Variants in SLC44A5 observed in about 807,000 individuals in gnomAD.
SLC44A5 encodes the protein solute carrier family 44 member 5.
Under a neutral mutation model 101.8 loss-of-function variants are expected in SLC44A5, and 57 were observed. That is an observed-to-expected ratio of 0.56 (90% CI 0.45 to 0.70). The LOEUF (loss-of-function observed/expected upper bound fraction) is 0.70. Ranked by LOEUF, SLC44A5 falls within the 30% of genes least tolerant of loss-of-function variation. The pLI, the probability that SLC44A5 is intolerant of heterozygous loss-of-function variation, is 0.00. For synonymous variants in SLC44A5, 281 were observed against 290.9 expected (o/e 0.97, Z 0.35); for missense variants, 737 against 853.1 (o/e 0.86, Z 1.70).
intron 2 of SLC44A5, among the ~76,000 whole-genome samples, chr1:75,425,183 G>A (rs759141307): frequency 2.8e-4 from 42 of 152,168 alleles, no homozygotes; most frequent in Non-Finnish European, 5.7e-4. Flanking sequence ...ACAGCAAAAG[G>A]AGCCAAGTAT....
intron 2 of SLC44A5, among the ~76,000 whole-genome samples, chr1:75,516,277 G>A (rs1378869984): frequency 1.6e-4 from 25 of 152,188 alleles, no homozygotes; most frequent in Non-Finnish European, 2.9e-5. Flanking sequence ...CACTTTGGGA[G>A]GCCCAGGCGG....
Position 75,511,608 on chromosome 1 carries a change from G to T in SLC44A5, c.13+29827C>A, listed in dbSNP as rs377246472. ...AATTTCACCAGCATTATTTTTACAA[G>T]GGATTAACAAAGTGATATAACTAAT... On this transcript the variant is annotated intron_variant, in intron 2 of 23. Transcript: ENST00000370859. Among the ~76,000 whole-genome samples, 20 of 152,002 alleles carry T rather than the reference G, an allele frequency of 1.3e-4. No individual in the cohort carries two copies. In the East Asian group the frequency reaches 1.4e-3, roughly 10 times the overall value.
intron 12 of SLC44A5, among the ~76,000 whole-genome samples, chr1:75,228,348 T>A (rs1409332118): frequency 6.6e-6 from 1 of 152,122 alleles, no homozygotes; most frequent in Non-Finnish European, 1.5e-5. Flanking sequence ...TAAAATCTGT[T>A]TTGTCTGATA....
At chr1:75,531,446 A>C (rs1463136589) in intron 2 of SLC44A5, among the ~76,000 whole-genome samples, 1 of 152,164 alleles carries the variant, frequency 6.6e-6, no homozygotes, top group Non-Finnish European at 1.5e-5. Context: ...ACCTAGGGCT[A>C]CCCTATAAGG....
intron 2 of SLC44A5, among the ~76,000 whole-genome samples, chr1:75,429,466 G>T (rs1160153736): frequency 6.6e-6 from 1 of 152,190 alleles, no homozygotes; most frequent in Non-Finnish European, 1.5e-5. Flanking sequence ...TTGGGCAAGT[G>T]AGGGCTATGA....
Position 75,222,473 on chromosome 1 carries a change from A to G in SLC44A5, c.986-13T>C. ...CAGAGTATTATCACTTTGAACAGGA[A>G]AAAAAAAATCAGTCTGTAATACAAG... On this transcript the variant is annotated splice_polypyrimidine_tract_variant and intron_variant, in intron 13 of 23. Coordinates refer to ENST00000370859, the MANE Select transcript of SLC44A5 (RefSeq NM_001130058.2). 1 of 1,546,386 alleles carries G rather than the reference A, an allele frequency of 6.5e-7. No homozygotes were observed. Among genetic ancestry groups the G allele is most frequent in the Non-Finnish European group, 8.9e-7 (1 of 1,122,724 alleles).
At chr1:75,660,765 A>C in the SLC44A5 span, among the ~76,000 whole-genome samples, 6 of 152,220 alleles carry the variant, frequency 3.9e-5, no homozygotes, top group Admixed American at 1.3e-4. Flanking sequence ...AAGAAGCAAA[A>C]GAATGCTACA....
At chr1:75,487,418 C>T (rs80213453) in intron 2 of SLC44A5, among the ~76,000 whole-genome samples, 3,224 of 152,122 alleles carry the variant, frequency 0.021, 123 homozygotes, top group African/African-American at 0.073. Flanking sequence ...ATAGTAGCTC[C>T]GAGACAAGAT....
At chr1:75,616,411 A>C in the SLC44A5 span, among the ~76,000 whole-genome samples, 3 of 152,216 alleles carry the variant, frequency 2.0e-5, no homozygotes, top group Non-Finnish European at 2.9e-5. Flanking sequence ...GGAGAAAGCC[A>C]GGCAGAGTCT....
chr1:75,341,667 G>C (rs772759670), intron 3 of SLC44A5, among the ~76,000 whole-genome samples: 2 of 152,106 alleles, frequency 1.3e-5, no homozygotes, highest in South Asian at 4.1e-4. Flanking sequence ...GGCGGGTCAC[G>C]AATGAACAGG....
At chr1:75,237,531 T>G (rs899619703) in intron 10 of SLC44A5, among the ~76,000 whole-genome samples, 1 of 152,080 alleles carries the variant, frequency 6.6e-6, no homozygotes, top group Non-Finnish European at 1.5e-5. Context: ...AGTGAACACA[T>G]TTATGTAACT....
chr1:75,544,524 C>A (rs927267622), intron 1 of SLC44A5, among the ~76,000 whole-genome samples: 18 of 150,920 alleles, frequency 1.2e-4, no homozygotes, highest in Admixed American at 4.0e-4. Flanking sequence ...CACACACACA[C>A]ACAACAAAAT....
At chr1:75,648,648 GT>G in the SLC44A5 span, among the ~76,000 whole-genome samples, 1 of 151,864 alleles carries the variant, frequency 6.6e-6, no homozygotes, top group African/African-American at 2.4e-5. Context: ...TGCTTCTGAT[GT>G]TTTTTCCAAA....
intron 1 of SLC44A5, among the ~76,000 whole-genome samples, chr1:75,597,971 C>A (rs1351931232): frequency 6.6e-6 from 1 of 151,932 alleles, no homozygotes; most frequent in East Asian, 1.9e-4. Flanking sequence ...AGCTTCTGCA[C>A]AGCAAAAGAA....
the SLC44A5 span, among the ~76,000 whole-genome samples, chr1:75,664,424 A>G: frequency 2.0e-5 from 3 of 152,140 alleles, no homozygotes; most frequent in Non-Finnish European, 4.4e-5. Context: ...TAAAGACTAA[A>G]CCAAAAGGCT....
chr1:75,520,935 A>G (rs960558474), intron 2 of SLC44A5, among the ~76,000 whole-genome samples: 3 of 150,366 alleles, frequency 2.0e-5, no homozygotes, highest in Admixed American at 6.6e-5. Flanking sequence ...TTGCTTTGAC[A>G]GGGAGAAAGG....
At chr1:75,479,559 T>G (rs1335846853) in intron 2 of SLC44A5, among the ~76,000 whole-genome samples, 1 of 152,166 alleles carries the variant, frequency 6.6e-6, no homozygotes, top group East Asian at 1.9e-4. Flanking sequence ...TAAAAAATGA[T>G]AAAGGGGATA....
At chr1:75,703,661 TA>T in the SLC44A5 span, among the ~76,000 whole-genome samples, 79,452 of 146,308 alleles carry the variant, frequency 0.54, 21,887 homozygotes, top group Non-Finnish European at 0.61. Context: ...TAAAGTATAA[TA>T]AAAAAAAAAA....
intron 2 of SLC44A5, among the ~76,000 whole-genome samples, chr1:75,464,030 G>T (rs1377652612): frequency 6.6e-6 from 1 of 151,960 alleles, no homozygotes; most frequent in African/African-American, 2.4e-5. Flanking sequence ...AGATCATCCT[G>T]GCTAACATGG....
Sources: gnomAD v4.1 joint callset for allele counts (sites outside exome capture counted in the v4.1 genomes callset) on GRCh38, gnomAD v4.1.1 for gene constraint, MANE v1.5 for transcripts, NCBI Gene and HGNC (gene_info 2026-07-23, HGNC 2026-07-21) for gene names.